KITLG: variants seen among roughly 807,000 people sequenced by gnomAD.
The protein encoded by KITLG is c-Kit ligand.
KITLG carries 13 observed loss-of-function variants against 34.1 expected under a neutral mutation model. The ratio of observed to expected loss-of-function variants is 0.38; its 90% CI spans 0.25 to 0.61. KITLG has a LOEUF of 0.61. Among genes scored for constraint, KITLG ranks in the 20% least tolerant of loss-of-function variants. KITLG has a pLI of 0.60. For missense variants in KITLG, 292 were observed against 318.9 expected, an observed-to-expected ratio of 0.92 and a Z score of 0.64; for synonymous variants, 110 against 104.0, an observed-to-expected ratio of 1.06 and a Z score of -0.35.
At chr12:88,498,016 T>A (rs1452728597) in intron 9 of KITLG, among the ~76,000 whole-genome samples, 1 of 152,212 alleles carries the variant, frequency 6.6e-6, no homozygotes, top group African/African-American at 2.4e-5. Flanking sequence ...CATATTTTGT[T>A]TTAGTTATTC....
At chr12:88,500,279 G>T (rs1868800263) in intron 9 of KITLG, among the ~76,000 whole-genome samples, 1 of 152,150 alleles carries the variant, frequency 6.6e-6, no homozygotes, top group African/African-American at 2.4e-5. Context: ...TCAAAAATAG[G>T]TAACTGTATT....
At chr12:88,580,163 G>T in intron 1 of KITLG, 101 bp downstream of exon 1, 2 of 1,279,590 alleles carry the variant, frequency 1.6e-6, no homozygotes, top group East Asian at 2.5e-5. Context: ...GCACAGCCCT[G>T]CACGCCCCAG....
chr12:88,567,655 CA>C (rs199796784), intron 1 of KITLG, among the ~76,000 whole-genome samples: 4 of 151,806 alleles, frequency 2.6e-5, no homozygotes, highest in African/African-American at 9.7e-5. Context: ...TCAACACATG[CA>C]AAAAAAATAA....
Position 88,516,465 on chromosome 12 carries a change from G to A in KITLG, c.389C>T (p.Pro130Leu). The change falls in exon 5 of 10, where the codon CCA (proline) becomes CTA (leucine). Residue 130 changes from proline to leucine, a missense_variant. Around this residue, in one of 2 missense-constraint regions of KITLG, gnomAD observed 152 missense variants for 207.9 expected, o/e 0.73. Coordinates refer to ENST00000644744, the MANE Select transcript of KITLG (RefSeq NM_000899.5). ...TTCAGGAGTAAAGAGCCTGGGTTCT[G>A]GGCTCTTGAATGATTTTTTTAGATC... ...SKDLKKSFKS[P>L]EPRLFTPEEF... The A allele has an allele frequency of 1.2e-6, 2 of 1,602,612 alleles. No individual in the cohort carries two copies. Among genetic ancestry groups the A allele is most frequent in the Middle Eastern group, 2.0e-4 (1 of 5,058 alleles).
At chr12:88,503,722 A>G (rs919174346) in intron 9 of KITLG, among the ~76,000 whole-genome samples, 5 of 152,128 alleles carry the variant, frequency 3.3e-5, no homozygotes, top group Non-Finnish European at 7.4e-5. Context: ...CCTTTCTCCC[A>G]CAATCCCTCC....
chr12:88,529,737 TC>T (rs1180003769), intron 3 of KITLG, among the ~76,000 whole-genome samples: 2 of 152,138 alleles, frequency 1.3e-5, no homozygotes, highest in African/African-American at 2.4e-5. Flanking sequence ...TCGCAAATAA[TC>T]AGAGGCCTCC....
At chr12:88,564,768 C>A (rs1409641365) in intron 1 of KITLG, among the ~76,000 whole-genome samples, 1 of 151,856 alleles carries the variant, frequency 6.6e-6, no homozygotes, top group Non-Finnish European at 1.5e-5. Context: ...ACAGATCATG[C>A]TCTAAGTTTG....
intron 2 of KITLG, among the ~76,000 whole-genome samples, chr12:88,540,890 C>T (rs911295065): frequency 1.3e-5 from 2 of 151,902 alleles, no homozygotes; most frequent in East Asian, 3.9e-4. Flanking sequence ...AATATTGCAA[C>T]CTAATAAAAT....
At chr12:88,556,805 A>T (rs531021266) in intron 1 of KITLG, among the ~76,000 whole-genome samples, 50 of 152,324 alleles carry the variant, frequency 3.3e-4, no homozygotes, top group African/African-American at 1.1e-3. Flanking sequence ...ATGAGAGGGA[A>T]ATCAGTTGAT....
chr12:88,580,200 C>G (rs981165333), intron 1 of KITLG, 64 bp downstream of exon 1: 11 of 1,551,608 alleles, frequency 7.1e-6, no homozygotes, highest in Non-Finnish European at 9.6e-6. Flanking sequence ...GCGCCGGCTT[C>G]CCCGGGGCAC....
At position 88,498,579 on chromosome 12, in the gene KITLG, G is replaced by C. The variant is rs9668001; in HGVS notation, c.*38-1398C>G. Among the ~76,000 whole-genome samples, 1,338 of 152,146 alleles carry C rather than the reference G, an allele frequency of 8.8e-3. 26 individuals are homozygous for C. Among genetic ancestry groups the C allele is most frequent in the African/African-American group, 0.031 (1,270 of 41,536 alleles). On this transcript the variant is annotated intron_variant, in intron 9 of 9. Transcript: ENST00000644744. ...AATTGGAAACACAAAGCTTAATATA[G>C]AGAATTAAATATAGGACAGGCATGG...
At chr12:88,500,963 A>G (rs1467859601) in intron 9 of KITLG, among the ~76,000 whole-genome samples, 1 of 152,020 alleles carries the variant, frequency 6.6e-6, no homozygotes, top group Non-Finnish European at 1.5e-5. Flanking sequence ...AATTATTTGT[A>G]GAGATGGGGT....
intron 1 of KITLG, among the ~76,000 whole-genome samples, chr12:88,568,575 C>T (rs1164371215): frequency 6.6e-6 from 1 of 152,076 alleles, no homozygotes; most frequent in African/African-American, 2.4e-5. Context: ...ATGTTGTAAT[C>T]ATAATAGTGG....
At chr12:88,552,436 C>T (rs1447357450) in intron 1 of KITLG, among the ~76,000 whole-genome samples, 3 of 151,792 alleles carry the variant, frequency 2.0e-5, no homozygotes, top group Admixed American at 1.3e-4. Flanking sequence ...GTAATCCACC[C>T]ACTTCAGCCT....
chr12:88,573,590 T>C (rs931378211), intron 1 of KITLG, among the ~76,000 whole-genome samples: 1 of 151,968 alleles, frequency 6.6e-6, no homozygotes, highest in African/African-American at 2.4e-5. Flanking sequence ...TATGTCAAGG[T>C]GAAAAAGAGG....
At chr12:88,508,505 T>C (rs1036903875) in intron 6 of KITLG, among the ~76,000 whole-genome samples, 1 of 151,918 alleles carries the variant, frequency 6.6e-6, no homozygotes, top group Admixed American at 6.6e-5. Flanking sequence ...ATCCTATAAA[T>C]GGTATGTTTC....
intron 6 of KITLG, among the ~76,000 whole-genome samples, chr12:88,514,159 G>T (rs1046584535): frequency 2.6e-5 from 4 of 151,618 alleles, no homozygotes; most frequent in Non-Finnish European, 5.9e-5. Context: ...ACAAAAATGT[G>T]TGAGGTGCAG....
intron 2 of KITLG, among the ~76,000 whole-genome samples, chr12:88,541,788 G>C (rs910871823): frequency 2.0e-5 from 3 of 152,056 alleles, no homozygotes; most frequent in African/African-American, 7.2e-5. Flanking sequence ...GGGACCGTGG[G>C]GGCAGTACAA....
At chr12:88,519,903 C>G (rs991995058) in intron 3 of KITLG, among the ~76,000 whole-genome samples, 1 of 152,160 alleles carries the variant, frequency 6.6e-6, no homozygotes, top group East Asian at 1.9e-4. Flanking sequence ...GGATTAGAGG[C>G]GTGAGTCACT....
Sources: allele counts gnomAD v4.1 joint callset (sites outside exome capture counted in the v4.1 genomes callset), GRCh38; gene constraint gnomAD v4.1.1; regional missense constraint gnomAD v4.1.1; transcripts MANE v1.5; gene names NCBI Gene and HGNC (gene_info 2026-07-23, HGNC 2026-07-21).